Variants in ACSS3 observed in about 807,000 individuals in gnomAD.
ACSS3 encodes acyl-CoA synthetase short-chain family member 3, mitochondrial.
A neutral mutation model predicts 84.2 loss-of-function variants in ACSS3; 64 were observed. The ratio of observed to expected loss-of-function variants is 0.76; its 90% CI spans 0.62 to 0.94. The LOEUF is 0.94. Among genes scored for constraint, ACSS3 ranks in the 40% least tolerant of loss-of-function variants. The pLI is 0.00. For missense variants in ACSS3, 815 were observed against 867.6 expected (o/e 0.94, Z 0.76); for synonymous variants, 317 against 310.1 (o/e 1.02, Z -0.23).
intron 7 of ACSS3, among the ~76,000 whole-genome samples, chr12:81,166,860 G>A (rs968003589): frequency 6.6e-6 from 1 of 152,230 alleles, no homozygotes; most frequent in Admixed American, 6.5e-5. Flanking sequence ...CACTTCCTGG[G>A]CAGAAGTCTG....
intron 1 of ACSS3, among the ~76,000 whole-genome samples, chr12:81,079,344 G>A (rs574262403): frequency 6.6e-6 from 1 of 152,126 alleles, no homozygotes; most frequent in South Asian, 2.1e-4. Flanking sequence ...CCCTCTGGGG[G>A]TGTGATTGCT....
chr12:81,133,501 C>T (rs1351563027), intron 2 of ACSS3, among the ~76,000 whole-genome samples: 1 of 152,084 alleles, frequency 6.6e-6, no homozygotes, highest in African/African-American at 2.4e-5. Flanking sequence ...TCTCCTTTAC[C>T]TCTTACATGT....
chr12:81,118,035 T>C (rs1884197602), intron 2 of ACSS3: 1 of 152,178 alleles, frequency 6.6e-6, no homozygotes, highest in Non-Finnish European at 1.5e-5. Context: ...TGTTTCTGTA[T>C]AATTTTCAAG....
chr12:81,161,346 G>C (rs1466581834), intron 7 of ACSS3, among the ~76,000 whole-genome samples: 1 of 152,034 alleles, frequency 6.6e-6, no homozygotes, highest in African/African-American at 2.4e-5. Context: ...TCCCCTTGTA[G>C]ATCTATCCTT....
chr12:81,221,982 G>A (rs992512262), intron 11 of ACSS3, among the ~76,000 whole-genome samples: 22 of 152,116 alleles, frequency 1.4e-4, no homozygotes, highest in Admixed American at 1.4e-3. Flanking sequence ...ATTATGGGCT[G>A]CTTCACCCCA....
intron 1 of ACSS3, among the ~76,000 whole-genome samples, chr12:81,103,256 T>C (rs1000703367): frequency 1.6e-4 from 24 of 152,310 alleles, no homozygotes; most frequent in African/African-American, 5.5e-4. Flanking sequence ...AGTGTGTTTG[T>C]ATATAGAAAG....
intron 13 of ACSS3, among the ~76,000 whole-genome samples, chr12:81,239,679 C>A (rs191847262): frequency 6.6e-6 from 1 of 151,808 alleles, no homozygotes; most frequent in Non-Finnish European, 1.5e-5. Context: ...AAAAGATTCA[C>A]CCCCATGATT....
chr12:81,224,604 G>A (rs565193132), intron 11 of ACSS3, among the ~76,000 whole-genome samples: 2 of 150,648 alleles, frequency 1.3e-5, no homozygotes, highest in East Asian at 4.0e-4. Flanking sequence ...GTGTGTGTAT[G>A]CACATGCAGT....
At chr12:81,244,764 A>G (rs1029882419) in intron 13 of ACSS3, among the ~76,000 whole-genome samples, 5 of 152,144 alleles carry the variant, frequency 3.3e-5, no homozygotes, top group Non-Finnish European at 5.9e-5. Flanking sequence ...TACATTAATC[A>G]TCTATTATTG....
chr12:81,089,963 C>A (rs948925169), intron 1 of ACSS3, among the ~76,000 whole-genome samples: 2 of 152,080 alleles, frequency 1.3e-5, no homozygotes, highest in African/African-American at 4.8e-5. Flanking sequence ...CACTGTAGAG[C>A]CTAATTTCAG....
At chr12:81,127,146 T>C (rs1284867328) in intron 2 of ACSS3, among the ~76,000 whole-genome samples, 1 of 151,848 alleles carries the variant, frequency 6.6e-6, no homozygotes, top group Non-Finnish European at 1.5e-5. Flanking sequence ...AAGAGACATA[T>C]CTCAAAATAA....
chr12:81,084,001 C>G (rs1565966637), intron 1 of ACSS3, among the ~76,000 whole-genome samples: 1 of 151,984 alleles, frequency 6.6e-6, no homozygotes, highest in Admixed American at 6.6e-5. Context: ...GAATGTCTGT[C>G]GGCGATGGGT....
chr12:81,232,027 G>T (rs547185739), intron 12 of ACSS3, among the ~76,000 whole-genome samples: 2 of 151,878 alleles, frequency 1.3e-5, no homozygotes, highest in African/African-American at 4.8e-5. Flanking sequence ...TCAACGAAAT[G>T]AAAATAATTA....
At chr12:81,153,831 C>CT (rs1464954373) in intron 7 of ACSS3, among the ~76,000 whole-genome samples, 1 of 152,204 alleles carries the variant, frequency 6.6e-6, no homozygotes, top group Non-Finnish European at 1.5e-5. Flanking sequence ...CACTTAAAGG[C>CT]TATTTGTGTT....
intron 8 of ACSS3, among the ~76,000 whole-genome samples, chr12:81,195,673 T>G (rs1342204381): frequency 6.6e-6 from 1 of 152,056 alleles, no homozygotes; most frequent in Non-Finnish European, 1.5e-5. Flanking sequence ...TTATCCCCCT[T>G]CCTTGTTCTC....
intron 13 of ACSS3, among the ~76,000 whole-genome samples, chr12:81,236,154 G>A (rs2033623432): frequency 6.6e-6 from 1 of 151,364 alleles, no homozygotes; most frequent in African/African-American, 2.4e-5. Context: ...TTGCTGAAGT[G>A]TTATTTTTAA....
Position 81,143,182 on chromosome 12 carries a change from G to A in ACSS3, c.856G>A (p.Val286Ile). Residue 286 changes from valine to isoleucine, a missense_variant, in exon 5 of 16, where the codon GTT becomes ATT. Physicochemically the swap from Val to Ile is conservative, Grantham distance 29. Coordinates refer to ENST00000548058, the MANE Select transcript of ACSS3 (RefSeq NM_024560.4). ...EMAKAQSHDC[V>I]PVLSEHPLYI... Reference sequence around the variant, plus strand: ...GGCAAAAGCCCAGTCACATGACTGTGTTCCTGTTCTTTCAGAACACCCACT... The same window carrying A: ...GGCAAAAGCCCAGTCACATGACTGTATTCCTGTTCTTTCAGAACACCCACT... The A allele has an allele frequency of 6.2e-7, 1 of 1,613,670 alleles. No individual in the cohort carries two copies. The highest frequency in any genetic ancestry group is 8.5e-7 in the Non-Finnish European group (1 of 1,179,670).
rs552174049 is a variant in ACSS3, at chr12:81,207,505, G to T, written c.1354+8061G>T. On this transcript the variant is annotated intron_variant, in intron 9 of 15. Transcript: ENST00000548058. ...TCAGGACTAATTGAAAGCTTTAAGTGAAGTGAAATATGTACTAACAACCTA... is the reference window on the plus strand; with the variant it reads ...TCAGGACTAATTGAAAGCTTTAAGTTAAGTGAAATATGTACTAACAACCTA... Among the ~76,000 whole-genome samples the T allele has an allele frequency of 2.0e-5, 3 of 152,246 alleles. No individual in the cohort carries two copies. The South Asian group carries it at 6.2e-4, about 32-fold the overall frequency.
chr12:81,175,542 A>G (rs4842386), intron 8 of ACSS3, among the ~76,000 whole-genome samples: 52,694 of 151,932 alleles, frequency 0.35, 10,381 homozygotes, highest in Middle Eastern at 0.45. Flanking sequence ...ACTCCACCCA[A>G]CAACAACAGA....
Sources: allele counts gnomAD v4.1 joint callset (sites outside exome capture counted in the v4.1 genomes callset), GRCh38; gene constraint gnomAD v4.1.1; transcripts MANE v1.5; gene names NCBI Gene and HGNC (gene_info 2026-07-23, HGNC 2026-07-21).